The following RSRC1 variants were observed in gnomAD, a reference collection of about 807,000 sequenced individuals.
RSRC1 encodes the protein arginine and serine rich coiled-coil 1.
A neutral mutation model predicts 49.1 loss-of-function variants in RSRC1; 39 were observed. The ratio of observed to expected loss-of-function variants is 0.79; its 90% CI spans 0.61 to 1.04. The LOEUF (loss-of-function observed/expected upper bound fraction) is 1.04. RSRC1 is among the 50% of genes least tolerant of loss of function. RSRC1 has a pLI of 0.00. For synonymous variants in RSRC1, 143 were observed against 130.8 expected, an observed-to-expected ratio of 1.09 and a Z score of -0.63; for missense variants, 388 against 402.4, an observed-to-expected ratio of 0.96 and a Z score of 0.31.
chr3:158,459,949 T>A (rs989316641), intron 6 of RSRC1, among the ~76,000 whole-genome samples: 4 of 151,912 alleles, frequency 2.6e-5, no homozygotes, highest in African/African-American at 9.7e-5. Context: ...TTTAAGCCAG[T>A]CATTATACTT....
At chr3:158,124,820 CTTT>C (rs35329457) in intron 3 of RSRC1, among the ~76,000 whole-genome samples, 8 of 120,540 alleles carry the variant, frequency 6.6e-5, no homozygotes, top group Admixed American at 1.7e-4. Context: ...TTCTTTCTTT[CTTT>C]TTTTTTTTTT....
Position 158,313,016 on chromosome 3 carries a change from C to T in RSRC1, c.531+14941C>T, listed in dbSNP as rs183968551. On this transcript the variant is annotated intron_variant, in intron 5 of 9. Coordinates refer to ENST00000611884, the MANE Select transcript of RSRC1 (RefSeq NM_001271838.2). Reference sequence around the variant, plus strand: ...GACATGTTCTGAGTCATACTTTCCACATTATGCTTTTATGCTATTTCTTAT... The same window carrying T: ...GACATGTTCTGAGTCATACTTTCCATATTATGCTTTTATGCTATTTCTTAT... Among the ~76,000 whole-genome samples, 6 of 152,254 alleles carry T rather than the reference C, an allele frequency of 3.9e-5. No individual in the cohort carries two copies. In the East Asian group the frequency reaches 1.2e-3, roughly 29 times the overall value.
At chr3:158,352,457 T>C (rs993580697) in intron 5 of RSRC1, among the ~76,000 whole-genome samples, 19 of 152,186 alleles carry the variant, frequency 1.2e-4, no homozygotes, top group African/African-American at 4.1e-4. Flanking sequence ...TTATTTTCTA[T>C]GTCTTAAATA....
At chr3:158,140,399 G>C (rs1172074716) in intron 3 of RSRC1, among the ~76,000 whole-genome samples, 1 of 152,120 alleles carries the variant, frequency 6.6e-6, no homozygotes, top group Non-Finnish European at 1.5e-5. Flanking sequence ...TTTGTTTTCT[G>C]TTTCCGATAT....
At chr3:158,452,799 G>C (rs1204817970) in intron 6 of RSRC1, among the ~76,000 whole-genome samples, 1 of 152,114 alleles carries the variant, frequency 6.6e-6, no homozygotes, top group Non-Finnish European at 1.5e-5. Context: ...TTTGTAGATG[G>C]AATATTGGAG....
At chr3:158,194,744 C>A in intron 3 of RSRC1, among the ~76,000 whole-genome samples, 1 of 148,170 alleles carries the variant, frequency 6.7e-6, no homozygotes. Flanking sequence ...AGAACATGTG[C>A]TGTTTGGTTT....
chr3:158,345,788 T>TATAC lies in RSRC1; in HGVS notation c.532-9068_532-9067insTACA, dbSNP rs369670608. On this transcript the variant is annotated intron_variant, in intron 5 of 9. Transcript: ENST00000611884. ...ATATGTGTGTGTGTATATATATATA[T>TATAC]ACACATATATATGTATTACACACAT... Among the ~76,000 whole-genome samples the TATAC allele has an allele frequency of 4.4e-3, 657 of 148,774 alleles. 6 individuals carry two copies. Among genetic ancestry groups the TATAC allele is most frequent in the African/African-American group, 0.015 (625 of 40,874 alleles).
At chr3:158,305,660 A>G (rs1397709092) in intron 5 of RSRC1, among the ~76,000 whole-genome samples, 3 of 152,060 alleles carry the variant, frequency 2.0e-5, no homozygotes, top group Non-Finnish European at 4.4e-5. Flanking sequence ...CAATCAAGGT[A>G]TTAGGAGTTA....
At chr3:158,259,129 C>T (rs1724741451) in intron 4 of RSRC1, among the ~76,000 whole-genome samples, 1 of 152,020 alleles carries the variant, frequency 6.6e-6, no homozygotes. Context: ...TCATCGGTGT[C>T]TGGGCATTGA....
chr3:158,155,427 C>T (rs1213767858), intron 3 of RSRC1, among the ~76,000 whole-genome samples: 1 of 151,760 alleles, frequency 6.6e-6, no homozygotes, highest in Non-Finnish European at 1.5e-5. Flanking sequence ...TGTCAGTGAA[C>T]TATATTTTAT....
chr3:158,120,296 A>C (rs1715160032), intron 1 of RSRC1, among the ~76,000 whole-genome samples: 2 of 152,192 alleles, frequency 1.3e-5, no homozygotes, highest in South Asian at 4.1e-4. Flanking sequence ...ACATGTGAGC[A>C]ACTTGGACGT....
chr3:158,516,112 T>C (rs1351966745), intron 7 of RSRC1, among the ~76,000 whole-genome samples: 1 of 152,270 alleles, frequency 6.6e-6, no homozygotes, highest in East Asian at 1.9e-4. Flanking sequence ...AAAGTCATTC[T>C]CCGTCCAGCT....
At chr3:158,443,122 C>T (rs1736477295) in intron 6 of RSRC1, among the ~76,000 whole-genome samples, 1 of 152,054 alleles carries the variant, frequency 6.6e-6, no homozygotes. Context: ...TTCTTAAGGA[C>T]CCTTAGATTG....
At chr3:158,349,691 C>CTTTTTTTTTTT (rs775736592) in intron 5 of RSRC1, among the ~76,000 whole-genome samples, 4 of 74,850 alleles carry the variant, frequency 5.3e-5, no homozygotes, top group African/African-American at 1.7e-4. Context: ...TCTTACTGCC[C>CTTTTTTTTTTT]TTTTTTTTTT....
chr3:158,387,772 G>T (rs1201375689), intron 6 of RSRC1, among the ~76,000 whole-genome samples: 1 of 152,056 alleles, frequency 6.6e-6, no homozygotes, highest in South Asian at 2.1e-4. Flanking sequence ...TTTCCTTCTT[G>T]TATCATTATT....
At chr3:158,445,004 A>G (rs1263123886) in intron 6 of RSRC1, among the ~76,000 whole-genome samples, 2 of 152,154 alleles carry the variant, frequency 1.3e-5, no homozygotes, top group African/African-American at 4.8e-5. Context: ...TCAGGAAACA[A>G]CAGGTGCTGG....
intron 4 of RSRC1, among the ~76,000 whole-genome samples, chr3:158,245,537 A>G (rs992240547): frequency 2.6e-5 from 4 of 152,156 alleles, no homozygotes; most frequent in South Asian, 4.1e-4. Context: ...TATCAGGTCC[A>G]CTTATTCCAA....
intron 6 of RSRC1, among the ~76,000 whole-genome samples, chr3:158,455,979 C>CAAAAAAAAAAAAAA (rs765828003): frequency 3.5e-5 from 2 of 56,518 alleles, no homozygotes; most frequent in African/African-American, 4.8e-5. Context: ...GACTCCATCT[C>CAAAAAAAAAAAAAA]AAAAAAAAAA....
chr3:158,514,708 A>T (rs569736782), intron 7 of RSRC1, among the ~76,000 whole-genome samples: 48 of 152,054 alleles, frequency 3.2e-4, no homozygotes, highest in Non-Finnish European at 5.9e-4. Context: ...TCTAATGTTG[A>T]CAGTGGGGTG....
Sources: allele counts gnomAD v4.1 joint callset (sites outside exome capture counted in the v4.1 genomes callset), GRCh38; gene constraint gnomAD v4.1.1; transcripts MANE v1.5; gene names NCBI Gene and HGNC (gene_info 2026-07-23, HGNC 2026-07-21).